FBXO11: variants seen among roughly 807,000 people sequenced by gnomAD.
FBXO11 encodes F-box protein 11, also known as F-box only protein 11.
Under a neutral mutation model 117.0 loss-of-function variants are expected in FBXO11, and 13 were observed. That is an observed-to-expected ratio of 0.11 (90% CI 0.07 to 0.18). The LOEUF (loss-of-function observed/expected upper bound fraction) is 0.18. Ranked by LOEUF, FBXO11 falls within the 10% of genes least tolerant of loss-of-function variation. FBXO11 has a pLI of 1.00. For missense variants in FBXO11, 767 were observed against 1,164.4 expected (o/e 0.66, Z 4.97); for synonymous variants, 490 against 380.5 (o/e 1.29, Z -3.35).
At chr2:47,896,804 C>A (rs1677703677) in intron 1 of FBXO11, among the ~76,000 whole-genome samples, 1 of 152,040 alleles carries the variant, frequency 6.6e-6, no homozygotes, top group Non-Finnish European at 1.5e-5. Context: ...TATTGCTGAC[C>A]TTATATGAAA....
chr2:47,835,211 T>A (rs2104826897), intron 5 of FBXO11, among the ~76,000 whole-genome samples: 1 of 152,176 alleles, frequency 6.6e-6, no homozygotes, highest in East Asian at 1.9e-4. Context: ...ATTGTGACAA[T>A]CAAAAAATGT....
At chr2:47,883,708 C>A in intron 1 of FBXO11, 2 of 264,666 alleles carry the variant, frequency 7.6e-6, no homozygotes, top group South Asian at 4.4e-5. Context: ...TTATACAACT[C>A]CCAAGAAGAA....
chr2:47,814,828 CCTG>C (rs1306577539), intron 16 of FBXO11, among the ~76,000 whole-genome samples: 18 of 152,118 alleles, frequency 1.2e-4, no homozygotes. Context: ...CCTTGCCAAC[CCTG>C]CTACTACTTT....
At chr2:47,843,762 G>C (rs1673195769) in intron 1 of FBXO11, among the ~76,000 whole-genome samples, 1 of 150,046 alleles carries the variant, frequency 6.7e-6, no homozygotes, top group Non-Finnish European at 1.5e-5. Context: ...TCTTTTTTGA[G>C]ATGAGTCTTG....
intron 1 of FBXO11, among the ~76,000 whole-genome samples, chr2:47,881,963 G>C (rs1676462819): frequency 6.6e-6 from 1 of 152,120 alleles, no homozygotes; most frequent in African/African-American, 2.4e-5. Context: ...GGCCAGGCTG[G>C]TCTTGAACTC....
chr2:47,900,589 C>A lies in FBXO11; in HGVS notation c.232+4900G>T, dbSNP rs534620625. 2.1e-4 allele frequency among the ~76,000 whole-genome samples: 24 copies of A among 113,718 alleles called. 1 individual carries two copies. Among genetic ancestry groups the A allele is most frequent in the Non-Finnish European group, 6.1e-5 (3 of 48,794 alleles). The allele number at this position is 113,718 out of a possible 152,430, so 74.6% of individuals were successfully genotyped here. A position where few individuals can be genotyped will look rare whatever the true frequency, so the allele number is the denominator to read the frequency against. On this transcript the variant is annotated intron_variant, in intron 1 of 22. Transcript: ENST00000403359. ...ATACACACGTATACACACATATATA[C>A]GTATATACACACGTATACACACGTA...
intron 1 of FBXO11, among the ~76,000 whole-genome samples, chr2:47,882,116 A>G (rs531904497): frequency 6.6e-5 from 10 of 152,338 alleles, no homozygotes; most frequent in African/African-American, 2.4e-4. Context: ...CATGTCTATC[A>G]GCTGAAGTTT....
At chr2:47,887,939 G>C (rs1676987984) in intron 1 of FBXO11, among the ~76,000 whole-genome samples, 1 of 152,088 alleles carries the variant, frequency 6.6e-6, no homozygotes, top group African/African-American at 2.4e-5. Context: ...GATCTCTTGA[G>C]CCTAGCAGTT....
rs111528570 is a variant in FBXO11 at position 47,834,233 on chromosome 2, C to T, written c.934+346G>A. Among the ~76,000 whole-genome samples, 32 of 152,100 alleles carry T rather than the reference C, an allele frequency of 2.1e-4. 1 individual carries two copies. Among genetic ancestry groups the T allele is most frequent in the African/African-American group, 7.7e-4 (32 of 41,498 alleles). ...CGCATGGTGGTGCATGCCTATAATC[C>T]CAGCTACTTGAGAGGTTGAGGCATG... is the stretch of plus-strand genomic sequence containing the variant. On this transcript the variant is annotated intron_variant, in intron 7 of 22. Transcript: ENST00000403359.
In FBXO11 at chr2:47,839,469, C is replaced by T; in HGVS notation, c.392G>A (p.Gly131Asp). The T allele has an allele frequency of 6.2e-7, 1 of 1,613,908 alleles. No homozygotes were observed. Among genetic ancestry groups the T allele is most frequent in the South Asian group, 1.1e-5 (1 of 90,994 alleles). Residue 131 changes from glycine to aspartate, a missense_variant, in exon 3 of 23, where the codon GGT becomes GAT. By Grantham distance (94) the Gly-to-Asp change is moderately conservative (BLOSUM62 -1). Transcript: ENST00000403359. Reference sequence around the variant, plus strand: ...CACTCTTGCACGTTTTGCACGATGACCAAAGTTTTCTGTAGTTGAAGTTGA... The same window carrying T: ...CACTCTTGCACGTTTTGCACGATGATCAAAGTTTTCTGTAGTTGAAGTTGA... ...GASTSTTENF[G>D]HRAKRARVSG... is the part of the protein sequence containing the mutation.
At chr2:47,835,836 T>C in intron 5 of FBXO11, 36 bp downstream of exon 5, 2 of 1,488,652 alleles carry the variant, frequency 1.3e-6, no homozygotes, top group African/African-American at 1.4e-5. Flanking sequence ...TACAAATGTA[T>C]AATATAAACC....
intron 1 of FBXO11, among the ~76,000 whole-genome samples, chr2:47,846,311 T>C (rs941399167): frequency 3.3e-5 from 5 of 151,978 alleles, no homozygotes; most frequent in East Asian, 1.9e-4. Flanking sequence ...CTACTAAAAA[T>C]ACAAAATTAG....
At chr2:47,810,683 T>C in intron 18 of FBXO11, 1 of 339,550 alleles carries the variant, frequency 2.9e-6, no homozygotes, top group Non-Finnish European at 5.3e-6. Context: ...CTAAGTTTAC[T>C]CAGCACTTCA....
chr2:47,832,862 A>C lies in FBXO11; in HGVS notation c.1060T>G (p.Ser354Ala). 6.2e-7 allele frequency: 1 copy of C among 1,614,016 alleles called. No homozygotes were observed. Among genetic ancestry groups the C allele is most frequent in the Non-Finnish European group, 8.5e-7 (1 of 1,179,906 alleles). ...TGGTGTGCATTGTGGTGTTGTGCAG[A>C]TTTGTCATCAGGGTTAAACTGAAAA... is the stretch of plus-strand genomic sequence containing the variant. The part of the protein sequence containing the change: ...MTIRFNPDDK[S>A]AQHHNAHHCL... Residue 354 changes from serine to alanine, a missense_variant, in exon 9 of 23, where the codon TCT (serine) becomes GCT (alanine). Coordinates refer to ENST00000403359, the MANE Select transcript of FBXO11 (RefSeq NM_001190274.2).
intron 1 of FBXO11, among the ~76,000 whole-genome samples, chr2:47,901,456 T>C (rs1034742836): frequency 6.6e-6 from 1 of 152,148 alleles, no homozygotes; most frequent in African/African-American, 2.4e-5. Flanking sequence ...ATTCATCTTT[T>C]ATTAAAAGGT....
chr2:47,882,709 T>C (rs1410572345), intron 1 of FBXO11, among the ~76,000 whole-genome samples: 1 of 152,200 alleles, frequency 6.6e-6, no homozygotes, highest in African/African-American at 2.4e-5. Context: ...TCAAGTGCAG[T>C]GGGGCAATTT....
chr2:47,873,999 G>A (rs1216503835), intron 1 of FBXO11, among the ~76,000 whole-genome samples: 1 of 151,986 alleles, frequency 6.6e-6, no homozygotes, highest in Admixed American at 6.6e-5. Flanking sequence ...TGGATCACGG[G>A]GTCAAGCGTT....
At chr2:47,841,257 T>TATTCTTCC (rs1672991988) in intron 1 of FBXO11, among the ~76,000 whole-genome samples, 1 of 152,164 alleles carries the variant, frequency 6.6e-6, no homozygotes, top group South Asian at 2.1e-4. Context: ...AGCAAACACT[T>TATTCTTCC]ATTCTTCCTT....
rs116264263 is a variant in FBXO11, at chr2:47,892,791, A to G, written c.232+12698T>C. On this transcript the variant is annotated intron_variant, in intron 1 of 22. Transcript: ENST00000403359. ...ACAGCCAAAACAATGAATATAATGA[A>G]AAAAGCTAATACCACAAAAGCAAGA... 2.7e-3 allele frequency among the ~76,000 whole-genome samples: 405 copies of G among 152,334 alleles called. 1 individual carries two copies. The highest frequency in any genetic ancestry group is 6.8e-3 in the Middle Eastern group (2 of 294).
Sources: allele counts gnomAD v4.1 joint callset (sites outside exome capture counted in the v4.1 genomes callset), GRCh38; gene constraint gnomAD v4.1.1; transcripts MANE v1.5; gene names NCBI Gene and HGNC (gene_info 2026-07-23, HGNC 2026-07-21).